The following MSI2 variants were observed in gnomAD, a reference collection of about 807,000 sequenced individuals.
MSI2 encodes the protein RNA-binding protein Musashi homolog 2.
A neutral mutation model predicts 45.6 loss-of-function variants in MSI2; 17 were observed. The ratio of observed to expected loss-of-function variants is 0.37; its 90% CI spans 0.26 to 0.56. MSI2 has a LOEUF of 0.56. Ranked by LOEUF, MSI2 falls within the 20% of genes least tolerant of loss-of-function variation. MSI2 has a pLI of 0.77. For synonymous variants in MSI2, 156 were observed against 158.2 expected (o/e 0.99, Z 0.11); for missense variants, 293 against 444.2 (o/e 0.66, Z 3.06).
intron 11 of MSI2, among the ~76,000 whole-genome samples, chr17:57,662,680 G>GA (rs1194633131): frequency 6.6e-6 from 1 of 152,170 alleles, no homozygotes; most frequent in Non-Finnish European, 1.5e-5. Context: ...AGACACTCAA[G>GA]AAAAAACCAC....
At chr17:57,334,834 C>G (rs1264441684) in intron 5 of MSI2, among the ~76,000 whole-genome samples, 1 of 151,740 alleles carries the variant, frequency 6.6e-6, no homozygotes, top group Non-Finnish European at 1.5e-5. Context: ...AATACGTCCT[C>G]CAATGGACTG....
chr17:57,558,886 C>T (rs2087504831), intron 7 of MSI2, among the ~76,000 whole-genome samples: 2 of 152,126 alleles, frequency 1.3e-5, no homozygotes, highest in African/African-American at 4.8e-5. Flanking sequence ...CATGGTGGAA[C>T]CCCATCTCTA....
intron 9 of MSI2, among the ~76,000 whole-genome samples, chr17:57,617,658 T>C (rs1907850772): frequency 6.6e-6 from 1 of 152,018 alleles, no homozygotes; most frequent in Admixed American, 6.6e-5. Context: ...AGAAGGAGAG[T>C]TGAGCTGAGT....
At chr17:57,353,324 AGCAGGCATG>A (rs1389924304) in intron 5 of MSI2, among the ~76,000 whole-genome samples, 1 of 152,184 alleles carries the variant, frequency 6.6e-6, no homozygotes, top group East Asian at 1.9e-4. Flanking sequence ...GTAGGTGTAA[AGCAGGCATG>A]GCTGTGACTT....
intron 7 of MSI2, among the ~76,000 whole-genome samples, chr17:57,591,038 G>T (rs910454290): frequency 1.3e-5 from 2 of 152,228 alleles, no homozygotes; most frequent in African/African-American, 4.8e-5. Context: ...TCCTCACTCT[G>T]TCAGGGCCTG....
At chr17:57,368,963 G>C (rs1037261122) in intron 5 of MSI2, among the ~76,000 whole-genome samples, 2 of 152,216 alleles carry the variant, frequency 1.3e-5, no homozygotes, top group African/African-American at 4.8e-5. Context: ...TCCCCAGTCT[G>C]TGGGGGTCAG....
At chr17:57,588,338 A>C (rs1232429376) in intron 7 of MSI2, among the ~76,000 whole-genome samples, 2 of 152,180 alleles carry the variant, frequency 1.3e-5, no homozygotes, top group East Asian at 3.9e-4. Context: ...CTTCTTAATA[A>C]GGCCAGGGAA....
At chr17:57,572,850 G>A (rs59179593) in intron 7 of MSI2, among the ~76,000 whole-genome samples, 44,885 of 152,196 alleles carry the variant, frequency 0.29, 7,384 homozygotes, top group African/African-American at 0.45. Flanking sequence ...GGTTTCTGTT[G>A]TAAACTCTAT....
rs190892875 is a variant in MSI2, at chr17:57,680,456, C to A, written c.*939C>A. On this transcript the variant is annotated 3_prime_UTR_variant, in exon 14 of 14. Coordinates refer to ENST00000284073, the MANE Select transcript of MSI2 (RefSeq NM_138962.4). ...CAGTTTGATGCTCTGTGGAAGGAGG[C>A]GGGAAGGGAACGTTGGCCAAGTCAG... is the stretch of plus-strand genomic sequence containing the variant. The A allele has an allele frequency of 8.7e-6, 2 of 228,702 alleles. No homozygotes were observed. Among genetic ancestry groups the A allele is most frequent in the Non-Finnish European group, 1.7e-5 (2 of 115,376 alleles). 14.2% of individuals were successfully genotyped at this position (228,702 alleles called of 1,614,324 possible).
chr17:57,613,821 A>G (rs35763935), intron 8 of MSI2, among the ~76,000 whole-genome samples: 49,473 of 152,086 alleles, frequency 0.33, 10,189 homozygotes, highest in Non-Finnish European at 0.46. Flanking sequence ...CATATTAGTC[A>G]TGAATGTTGA....
At chr17:57,543,296 GTGT>G (rs918347238) in intron 7 of MSI2, among the ~76,000 whole-genome samples, 7 of 152,306 alleles carry the variant, frequency 4.6e-5, no homozygotes, top group Admixed American at 3.3e-4. Flanking sequence ...AATGCCTTTA[GTGT>G]TGTTGTAGCT....
At chr17:57,672,893 A>G (rs1306695425) in intron 11 of MSI2, among the ~76,000 whole-genome samples, 1 of 152,152 alleles carries the variant, frequency 6.6e-6, no homozygotes, top group African/African-American at 2.4e-5. Context: ...TGCAAGTTGA[A>G]TCTTCTATAT....
At chr17:57,690,550 C>A in the MSI2 span, among the ~76,000 whole-genome samples, 2 of 152,094 alleles carry the variant, frequency 1.3e-5, no homozygotes, top group Non-Finnish European at 2.9e-5. Flanking sequence ...ACCCAGGAGG[C>A]TGAGGCTGCC....
intron 6 of MSI2, among the ~76,000 whole-genome samples, chr17:57,489,200 C>T (rs1396679722): frequency 6.6e-6 from 1 of 152,220 alleles, no homozygotes; most frequent in African/African-American, 2.4e-5. Context: ...CGGATGAAAT[C>T]TCCAAGAGTC....
At chr17:57,402,109 G>T (rs959301167) in intron 6 of MSI2, among the ~76,000 whole-genome samples, 5 of 152,198 alleles carry the variant, frequency 3.3e-5, no homozygotes, top group African/African-American at 1.2e-4. Flanking sequence ...GTATGATAGA[G>T]AGTCAGACCG....
At chr17:57,674,891 T>A (rs1230958315) in intron 11 of MSI2, 81 bp from the exon 12 acceptor site, 5 of 1,571,316 alleles carry the variant, frequency 3.2e-6, no homozygotes, top group Non-Finnish European at 2.6e-6. Flanking sequence ...TCTGGCCTCA[T>A]ACCCAGCTCT....
intron 5 of MSI2, among the ~76,000 whole-genome samples, chr17:57,272,881 G>A (rs570820100): frequency 6.6e-6 from 1 of 152,304 alleles, no homozygotes; most frequent in East Asian, 1.9e-4. Context: ...GGAGTGGGTG[G>A]AAACACAGTG....
intron 6 of MSI2, among the ~76,000 whole-genome samples, chr17:57,403,238 A>G (rs1786353518): frequency 6.6e-6 from 1 of 152,172 alleles, no homozygotes; most frequent in Non-Finnish European, 1.5e-5. Flanking sequence ...CACATAGCAC[A>G]TCTCTGCACG....
At chr17:57,396,394 AAC>A (rs2083889594) in intron 5 of MSI2, among the ~76,000 whole-genome samples, 1 of 128,454 alleles carries the variant, frequency 7.8e-6, no homozygotes, top group South Asian at 2.7e-4. Context: ...ACACACACAA[AAC>A]ACACACAGCA....
Sources: allele counts gnomAD v4.1 joint callset (sites outside exome capture counted in the v4.1 genomes callset), GRCh38; gene constraint gnomAD v4.1.1; transcripts MANE v1.5; gene names NCBI Gene and HGNC (gene_info 2026-07-23, HGNC 2026-07-21).